PEX7: variants seen among roughly 807,000 people sequenced by gnomAD.
PEX7 encodes PTS2 receptor.
Under a neutral mutation model 47.5 loss-of-function variants are expected in PEX7, and 34 were observed. The observed-to-expected ratio is 0.72, with a 90% CI of 0.54 to 0.95. PEX7 has a LOEUF of 0.95. Among genes scored for constraint, PEX7 ranks in the 40% least tolerant of loss-of-function variants. The pLI is 0.00. For synonymous variants in PEX7, 141 were observed against 148.8 expected, an observed-to-expected ratio of 0.95 and a Z score of 0.38; for missense variants, 394 against 400.3, an observed-to-expected ratio of 0.98 and a Z score of 0.13.
At chr6:136,876,415 G>A (rs900762193) in intron 8 of PEX7, among the ~76,000 whole-genome samples, 5 of 152,070 alleles carry the variant, frequency 3.3e-5, no homozygotes, top group African/African-American at 4.8e-5. Flanking sequence ...AGGTATATAC[G>A]TGCTATGGTG....
At chr6:136,884,894 T>A (rs1173610935) in intron 8 of PEX7, among the ~76,000 whole-genome samples, 1 of 152,204 alleles carries the variant, frequency 6.6e-6, no homozygotes, top group Non-Finnish European at 1.5e-5. Flanking sequence ...ATACTAAAGT[T>A]AAAATGTTTC....
intron 3 of PEX7, among the ~76,000 whole-genome samples, chr6:136,828,067 A>G (rs1774229591): frequency 6.6e-6 from 1 of 151,996 alleles, no homozygotes; most frequent in Non-Finnish European, 1.5e-5. Context: ...AAGGATGATA[A>G]CTGACATCAT....
At chr6:136,841,633 A>C (rs994665631) in intron 3 of PEX7, among the ~76,000 whole-genome samples, 3 of 152,232 alleles carry the variant, frequency 2.0e-5, no homozygotes, top group Admixed American at 6.5e-5. Flanking sequence ...GCTGGAATGC[A>C]GTGGCGTGAT....
chr6:136,870,100 G>C, intron 7 of PEX7, 97 bp downstream of exon 7: 1 of 764,716 alleles, frequency 1.3e-6, no homozygotes, highest in South Asian at 2.0e-5. Context: ...AGGGATTGGA[G>C]TTACTAATTC....
Position 136,826,469 on chromosome 6 carries a change from G to A in PEX7, c.339G>A (p.Glu113=). The A allele has an allele frequency of 1.2e-6, 2 of 1,613,944 alleles. No homozygotes were observed. The highest frequency in any genetic ancestry group is 1.7e-6 in the Non-Finnish European group (2 of 1,180,004). Residue 113 remains glutamate (E), a splice_region_variant and synonymous_variant, in exon 3 of 10, where the codon GAG becomes GAA. Coordinates refer to ENST00000318471, the MANE Select transcript of PEX7 (RefSeq NM_000288.4). Reference sequence around the variant, plus strand: ...AAGTCTATAAAGAACACGCTCAGGAGGTAGGAGGGAAATCTTTCTGGGCTG... The same window carrying A: ...AAGTCTATAAAGAACACGCTCAGGAAGTAGGAGGGAAATCTTTCTGGGCTG... ...PLQVYKEHAQ[E]VYSVDWSQTR... is the part of the protein sequence containing the mutation.
intron 6 of PEX7, among the ~76,000 whole-genome samples, chr6:136,868,289 T>C (rs1775111065): frequency 6.6e-6 from 1 of 152,252 alleles, no homozygotes; most frequent in South Asian, 2.1e-4. Context: ...TGCATGACTG[T>C]ATTTATGTCC....
intron 3 of PEX7, among the ~76,000 whole-genome samples, chr6:136,844,593 C>T (rs1774561486): frequency 6.6e-6 from 1 of 152,112 alleles, no homozygotes; most frequent in South Asian, 2.1e-4. Flanking sequence ...TACATTGAAT[C>T]TCTAGAAATT....
chr6:136,866,622 A>G lies in PEX7; in HGVS notation c.527-5A>G, dbSNP rs1222228219. ...GGGAAATGATCAAGTCTTCCTTTTT[A>G]CTAGGTGATCAGACTCTGAGAATAT... On this transcript the variant is annotated splice_region_variant and splice_polypyrimidine_tract_variant and intron_variant, in intron 5 of 9. Coordinates refer to ENST00000318471, the MANE Select transcript of PEX7 (RefSeq NM_000288.4). 1.9e-6 allele frequency: 3 copies of G among 1,612,352 alleles called. No individual in the cohort carries two copies. The highest frequency in any genetic ancestry group is 2.5e-6 in the Non-Finnish European group (3 of 1,178,508).
At chr6:136,908,545 C>A (rs887501403) in intron 9 of PEX7, among the ~76,000 whole-genome samples, 11 of 151,938 alleles carry the variant, frequency 7.2e-5, no homozygotes, top group African/African-American at 2.4e-4. Flanking sequence ...TGAAATGTAC[C>A]ACAGCAGGGG....
At chr6:136,874,291 G>A (rs1449131140) in intron 8 of PEX7, among the ~76,000 whole-genome samples, 1 of 152,194 alleles carries the variant, frequency 6.6e-6, no homozygotes, top group African/African-American at 2.4e-5. Flanking sequence ...TTTCATGGAA[G>A]TGAGTCTGTT....
chr6:136,885,041 A>C (rs1372582492), intron 8 of PEX7, among the ~76,000 whole-genome samples: 1 of 152,200 alleles, frequency 6.6e-6, no homozygotes, highest in Non-Finnish European at 1.5e-5. Context: ...ACCGTGCATA[A>C]GCATTATTTG....
At chr6:136,893,298 G>A (rs1266629065) in intron 8 of PEX7, among the ~76,000 whole-genome samples, 2 of 151,536 alleles carry the variant, frequency 1.3e-5, no homozygotes, top group African/African-American at 2.4e-5. Flanking sequence ...CCCTTTCCCT[G>A]CGCCAGCCTC....
chr6:136,907,360 C>T (rs1185849309), intron 9 of PEX7, among the ~76,000 whole-genome samples: 4 of 152,126 alleles, frequency 2.6e-5, no homozygotes, highest in African/African-American at 9.7e-5. Context: ...ACCATATTCT[C>T]TCCTGTAGTC....
intron 3 of PEX7, among the ~76,000 whole-genome samples, chr6:136,845,169 C>A (rs1308198778): frequency 6.6e-6 from 1 of 152,184 alleles, no homozygotes; most frequent in Non-Finnish European, 1.5e-5. Flanking sequence ...CTGGAAGGAT[C>A]ACCTGGTTCC....
At chr6:136,911,087 A>C (rs1344181773) in intron 9 of PEX7, among the ~76,000 whole-genome samples, 1 of 152,118 alleles carries the variant, frequency 6.6e-6, no homozygotes, top group African/African-American at 2.4e-5. Flanking sequence ...CATCCCAGTT[A>C]TTGGAAACTG....
rs2115171730 is a variant in PEX7 at position 136,846,152 on chromosome 6, A to G, written c.497A>G (p.His166Arg). The G allele has an allele frequency of 6.2e-7, 1 of 1,612,798 alleles. No individual in the cohort carries two copies. The highest frequency in any genetic ancestry group is 8.5e-7 in the Non-Finnish European group (1 of 1,178,946). ...SIIYSTIWSP[H>R]IPGCFASASG... ...ATTTATAGCACAATCTGGTCTCCCC[A>G]CATCCCTGGTTGTTTTGCTTCAGCC... The change falls in exon 5 of 10, where the codon CAC becomes CGC. Residue 166 changes from histidine to arginine, a missense_variant. Coordinates refer to ENST00000318471, the MANE Select transcript of PEX7 (RefSeq NM_000288.4).
chr6:136,862,058 T>A (rs1315717839), intron 5 of PEX7, among the ~76,000 whole-genome samples: 48 of 143,510 alleles, frequency 3.3e-4, no homozygotes, highest in Admixed American at 1.8e-3. Context: ...TATATATATA[T>A]TATATATATA....
chr6:136,894,269 C>A (rs886195586), intron 8 of PEX7, among the ~76,000 whole-genome samples: 1 of 151,892 alleles, frequency 6.6e-6, no homozygotes, highest in Non-Finnish European at 1.5e-5. Context: ...CCAGCCTGAC[C>A]AACATGGTGA....
In PEX7 at chr6:136,913,556, T is replaced by C; in HGVS notation, c.*30T>C. 6.9e-7 allele frequency: 1 copy of C among 1,452,634 alleles called. No individual in the cohort carries two copies. The highest frequency in any genetic ancestry group is 9.7e-7 in the Non-Finnish European group (1 of 1,033,436). The allele number at this position is 1,452,634 out of a possible 1,614,324, so 90.0% of individuals were successfully genotyped here. On this transcript the variant is annotated 3_prime_UTR_variant, in exon 10 of 10. Coordinates refer to ENST00000318471, the MANE Select transcript of PEX7 (RefSeq NM_000288.4). Reference sequence around the variant, plus strand: ...CACTACTTTGGTCAGAAACAGAGGATGTTGGCTGAAGAACTGCCTAACAGC... The same window carrying C: ...CACTACTTTGGTCAGAAACAGAGGACGTTGGCTGAAGAACTGCCTAACAGC...
Sources: gnomAD v4.1 joint callset for allele counts (sites outside exome capture counted in the v4.1 genomes callset) on GRCh38, gnomAD v4.1.1 for gene constraint, MANE v1.5 for transcripts, NCBI Gene and HGNC (gene_info 2026-07-23, HGNC 2026-07-21) for gene names.